Variants in ANKRD31 observed in about 807,000 individuals in gnomAD.
ANKRD31 encodes ankyrin repeat domain-containing protein 31.
Under a neutral mutation model 186.0 loss-of-function variants are expected in ANKRD31, and 147 were observed. The ratio of observed to expected loss-of-function variants is 0.79; its 90% CI spans 0.69 to 0.91. The LOEUF is 0.91. ANKRD31 is among the 40% of genes least tolerant of loss of function. The probability of loss-of-function intolerance (pLI) is 0.00; values close to 1 mark genes in which losing one functional copy is unlikely to be tolerated. For synonymous variants in ANKRD31, 673 were observed against 736.4 expected, an observed-to-expected ratio of 0.91 and a Z score of 1.39; for missense variants, 1,986 against 2,148.8, an observed-to-expected ratio of 0.92 and a Z score of 1.50.
chr5:75,134,950 T>A (rs1368810737), intron 17 of ANKRD31, among the ~76,000 whole-genome samples: 7 of 152,206 alleles, frequency 4.6e-5, no homozygotes, highest in African/African-American at 1.7e-4. Context: ...AGAAAAGGCC[T>A]GCAACAAAAG....
At chr5:75,085,853 T>C (rs1169542307) in intron 23 of ANKRD31, among the ~76,000 whole-genome samples, 1 of 152,194 alleles carries the variant, frequency 6.6e-6, no homozygotes, top group East Asian at 1.9e-4. Flanking sequence ...ACATTCCGAG[T>C]ACTCAATAAA....
chr5:75,143,626 C>T (rs62369194), intron 15 of ANKRD31, among the ~76,000 whole-genome samples: 125 of 152,238 alleles, frequency 8.2e-4, no homozygotes, highest in Non-Finnish European at 1.6e-3. Context: ...ACTCATCTGA[C>T]ACAAAACAAA....
intron 9 of ANKRD31, among the ~76,000 whole-genome samples, chr5:75,191,994 A>G (rs1460871323): frequency 2.0e-5 from 3 of 152,056 alleles, no homozygotes; most frequent in Non-Finnish European, 4.4e-5. Context: ...TTGACTTTAA[A>G]CCATTCTTTC....
intron 24 of ANKRD31, 35 bp downstream of exon 24, chr5:75,084,237 C>A: frequency 6.9e-7 from 1 of 1,459,424 alleles, no homozygotes; most frequent in Non-Finnish European, 9.3e-7. Flanking sequence ...GTGTTTTATC[C>A]CACAACGAAG....
At chr5:75,097,081 C>T (rs144304676) in intron 22 of ANKRD31, among the ~76,000 whole-genome samples, 1 of 152,106 alleles carries the variant, frequency 6.6e-6, no homozygotes, top group Non-Finnish European at 1.5e-5. Flanking sequence ...TGGGTTAGTT[C>T]CAAGTCTTTG....
At chr5:75,086,923 A>G (rs1745536292) in intron 23 of ANKRD31, among the ~76,000 whole-genome samples, 2 of 152,234 alleles carry the variant, frequency 1.3e-5, no homozygotes, top group Non-Finnish European at 2.9e-5. Flanking sequence ...GTTTGAGGAA[A>G]ATAGATGACT....
chr5:75,169,140 C>G lies in ANKRD31; in HGVS notation c.1565-19G>C, dbSNP rs139189567. ...GTCCAACCTATCATACAAAAAGATA[C>G]GGCATTTGTTTACATTTGGCATCTT... On this transcript the variant is annotated intron_variant, in intron 10 of 25. Coordinates refer to ENST00000506364, the MANE Select transcript of ANKRD31 (RefSeq NM_001372053.1). The G allele has an allele frequency of 8.5e-6, 13 of 1,527,650 alleles. No individual in the cohort carries two copies. The highest frequency in any genetic ancestry group is 1.1e-5 in the Non-Finnish European group (13 of 1,139,778). The allele number at this position is 1,527,650 out of a possible 1,614,324, so 94.6% of individuals were successfully genotyped here.
chr5:75,222,537 T>C lies in ANKRD31; in HGVS notation c.179-179A>G, dbSNP rs79705171. The stretch of plus-strand genomic sequence containing the variant: ...GTGCAGAACGTGCAGGTTTGTTACA[T>C]AGGTATACGTGTGCCATGGTGGTTT... On this transcript the variant is annotated intron_variant, in intron 2 of 25. Transcript: ENST00000506364. Among the ~76,000 whole-genome samples, 377 of 152,160 alleles carry C rather than the reference T, an allele frequency of 2.5e-3. 9 individuals carry two copies. The East Asian group carries it at 0.062, about 25-fold the overall frequency.
chr5:75,179,805 C>T (rs1754136329), intron 10 of ANKRD31, among the ~76,000 whole-genome samples: 1 of 152,188 alleles, frequency 6.6e-6, no homozygotes. Context: ...TAGAAGCATT[C>T]TCCTTGAAAA....
intron 23 of ANKRD31, among the ~76,000 whole-genome samples, chr5:75,084,626 C>G (rs1179643025): frequency 6.6e-6 from 1 of 152,122 alleles, no homozygotes; most frequent in Non-Finnish European, 1.5e-5. Context: ...TGACACAGAC[C>G]ACACGTCCAT....
At chr5:75,208,091 T>G (rs1368257309) in intron 4 of ANKRD31, among the ~76,000 whole-genome samples, 1 of 152,130 alleles carries the variant, frequency 6.6e-6, no homozygotes, top group Non-Finnish European at 1.5e-5. Flanking sequence ...CGAGAGAAGT[T>G]GCAATTTTTG....
In ANKRD31 at chr5:75,209,364, G is replaced by A. The variant is rs574577292; in HGVS notation, c.326+1464C>T. On this transcript the variant is annotated intron_variant, in intron 4 of 25. Transcript: ENST00000506364. ...TCCAATGCTTACAACTCAAACAAGTGCACAGGTGTTTTACTCAAGATAAAC... is the reference window on the plus strand; with the variant it reads ...TCCAATGCTTACAACTCAAACAAGTACACAGGTGTTTTACTCAAGATAAAC... 1.7e-4 allele frequency among the ~76,000 whole-genome samples: 26 copies of A among 152,146 alleles called. No individual in the cohort carries two copies. The South Asian group carries it at 5.0e-3, about 29-fold the overall frequency.
intron 22 of ANKRD31, among the ~76,000 whole-genome samples, chr5:75,097,543 G>T (rs928407005): frequency 6.6e-6 from 1 of 152,136 alleles, no homozygotes; most frequent in Non-Finnish European, 1.5e-5. Context: ...GTTCTTTGTA[G>T]AGTCTGGGTA....
At chr5:75,148,714 G>T in intron 12 of ANKRD31, 86 bp from the exon 13 acceptor site, 2 of 941,262 alleles carry the variant, frequency 2.1e-6, no homozygotes, top group Non-Finnish European at 3.1e-6. Flanking sequence ...TTTGCCACGA[G>T]AAAACCAAGT....
intron 17 of ANKRD31, among the ~76,000 whole-genome samples, chr5:75,130,218 G>A (rs945096576): frequency 8.5e-5 from 13 of 152,258 alleles, no homozygotes; most frequent in African/African-American, 2.6e-4. Flanking sequence ...CAGTGGGTTC[G>A]TGGTCTCGCT....
intron 10 of ANKRD31, among the ~76,000 whole-genome samples, chr5:75,172,812 A>G (rs943951359): frequency 6.6e-6 from 1 of 152,180 alleles, no homozygotes; most frequent in Non-Finnish European, 1.5e-5. Flanking sequence ...AGAGGTACAA[A>G]GAGGAGCTGG....
Position 75,068,677 on chromosome 5 carries a change from G to C in ANKRD31, c.5648-13C>G, listed in dbSNP as rs751674354. ...TCTCTGGAAGTTCCTGTTTAAAGAA[G>C]TATCAACAAATTAAAAACTGCCCTC... is the stretch of plus-strand genomic sequence containing the variant. On this transcript the variant is annotated splice_polypyrimidine_tract_variant and intron_variant, in intron 25 of 25. Transcript: ENST00000506364. 1.4e-6 allele frequency: 2 copies of C among 1,462,462 alleles called. No homozygotes were observed. Among genetic ancestry groups the C allele is most frequent in the Non-Finnish European group, 1.8e-6 (2 of 1,113,442 alleles). The allele number at this position is 1,462,462 out of a possible 1,614,324, so 90.6% of individuals were successfully genotyped here. A position where few individuals can be genotyped will look rare whatever the true frequency, so the allele number is the denominator to read the frequency against.
At chr5:75,084,167 T>C (rs1267992201) in intron 24 of ANKRD31, 105 bp downstream of exon 24, 2 of 824,892 alleles carry the variant, frequency 2.4e-6, no homozygotes, top group Non-Finnish European at 3.8e-6. Flanking sequence ...TAATGATTGT[T>C]AATTTCACAT....
intron 2 of ANKRD31, among the ~76,000 whole-genome samples, chr5:75,224,178 T>TATATATATAC (rs1341100904): frequency 2.3e-4 from 29 of 124,438 alleles, no homozygotes; most frequent in South Asian, 7.8e-4. Flanking sequence ...TATATATATA[T>TATATATATAC]ACACACATTT....
Sources: gnomAD v4.1 joint callset for allele counts (sites outside exome capture counted in the v4.1 genomes callset) on GRCh38, gnomAD v4.1.1 for gene constraint, MANE v1.5 for transcripts, NCBI Gene and HGNC (gene_info 2026-07-23, HGNC 2026-07-21) for gene names.